CLSTN2: variants seen among roughly 807,000 people sequenced by gnomAD.
The protein encoded by CLSTN2 is calsyntenin-2.
CLSTN2 carries 48 observed loss-of-function variants against 101.2 expected under a neutral mutation model. The ratio of observed to expected loss-of-function variants is 0.47; its 90% CI spans 0.38 to 0.60. The LOEUF (loss-of-function observed/expected upper bound fraction) is 0.60. CLSTN2 is among the 20% of genes least tolerant of loss of function. CLSTN2 has a pLI of 0.00. For missense variants in CLSTN2, 1,160 were observed against 1,238.2 expected, an observed-to-expected ratio of 0.94 and a Z score of 0.95; for synonymous variants, 481 against 463.6, an observed-to-expected ratio of 1.04 and a Z score of -0.48.
intron 1 of CLSTN2, among the ~76,000 whole-genome samples, chr3:140,157,607 C>T (rs1576449202): frequency 6.6e-6 from 1 of 152,172 alleles, no homozygotes; most frequent in East Asian, 1.9e-4. Context: ...TCTGATTGTA[C>T]TTATTTGGAT....
At position 140,573,846 on chromosome 3, in the gene CLSTN2, G is replaced by C. The variant is rs1054467597; in HGVS notation, c.*7593G>C. Reference sequence around the variant, plus strand: ...AAGACACCCCTGTTTCTGGGGAACAGAAGGGAGCTGGTACCTCTGGACCAT... The same window carrying C: ...AAGACACCCCTGTTTCTGGGGAACACAAGGGAGCTGGTACCTCTGGACCAT... On this transcript the variant is annotated 3_prime_UTR_variant, in exon 17 of 17. Coordinates refer to ENST00000458420, the MANE Select transcript of CLSTN2 (RefSeq NM_022131.3). 36 of 152,256 alleles carry C rather than the reference G, an allele frequency of 2.4e-4. No individual in the cohort carries two copies. Among genetic ancestry groups the C allele is most frequent in the African/African-American group, 8.4e-4 (35 of 41,446 alleles). The allele number at this position is 152,256 out of a possible 1,614,324, so 9.4% of individuals were successfully genotyped here. A position where few individuals can be genotyped will look rare whatever the true frequency, so the allele number is the denominator to read the frequency against.
rs111430993 is a variant in CLSTN2 at position 140,521,775 on chromosome 3, G to A, written c.1345-10549G>A. 4.8e-3 allele frequency among the ~76,000 whole-genome samples: 737 copies of A among 152,312 alleles called. 3 individuals carry two copies. Among genetic ancestry groups the A allele is most frequent in the Non-Finnish European group, 7.7e-3 (523 of 68,018 alleles). On this transcript the variant is annotated intron_variant, in intron 8 of 16. Coordinates refer to ENST00000458420, the MANE Select transcript of CLSTN2 (RefSeq NM_022131.3). ...CGGTCACATCTCTCCCCAGGAACTT[G>A]GTCCTTCTCATGCAGATTCCAGCCT...
At chr3:140,113,041 C>T (rs969145780) in intron 1 of CLSTN2, among the ~76,000 whole-genome samples, 3 of 152,068 alleles carry the variant, frequency 2.0e-5, no homozygotes, top group Non-Finnish European at 2.9e-5. Context: ...GGAGCCAGTG[C>T]CTTCCAGCTT....
chr3:140,002,063 A>C (rs1004109059), intron 1 of CLSTN2, among the ~76,000 whole-genome samples: 2 of 152,186 alleles, frequency 1.3e-5, no homozygotes, highest in African/African-American at 4.8e-5. Flanking sequence ...TGGCTATTGC[A>C]AACAGTGCTG....
chr3:140,469,808 GA>G (rs1214171502), intron 8 of CLSTN2, among the ~76,000 whole-genome samples: 1 of 152,206 alleles, frequency 6.6e-6, no homozygotes, highest in Non-Finnish European at 1.5e-5. Context: ...GAGATGAAGT[GA>G]GGCAGGGGAA....
At chr3:140,331,148 G>T (rs1471790336) in intron 2 of CLSTN2, among the ~76,000 whole-genome samples, 1 of 152,146 alleles carries the variant, frequency 6.6e-6, no homozygotes, top group Non-Finnish European at 1.5e-5. Context: ...CCAGGAGGTT[G>T]CTGATGCAAG....
At chr3:140,375,168 G>A (rs1044126246) in intron 2 of CLSTN2, among the ~76,000 whole-genome samples, 1 of 152,228 alleles carries the variant, frequency 6.6e-6, no homozygotes, top group African/African-American at 2.4e-5. Context: ...GGGAAAGGTA[G>A]TTGAGAGGAC....
At chr3:140,345,469 C>T (rs34649403) in intron 2 of CLSTN2, among the ~76,000 whole-genome samples, 5,739 of 151,830 alleles carry the variant, frequency 0.038, 124 homozygotes, top group South Asian at 0.069. Flanking sequence ...AGGCTGGTCT[C>T]GAACTCCTGA....
At chr3:140,325,084 G>T (rs1276553578) in intron 2 of CLSTN2, among the ~76,000 whole-genome samples, 1 of 152,154 alleles carries the variant, frequency 6.6e-6, no homozygotes, top group Non-Finnish European at 1.5e-5. Context: ...TTTTGGTAGA[G>T]ACAAGGTCTC....
intron 2 of CLSTN2, among the ~76,000 whole-genome samples, chr3:140,210,861 TA>T (rs2010846851): frequency 6.6e-6 from 1 of 152,098 alleles, no homozygotes. Flanking sequence ...AACAAGCACC[TA>T]AATAGCTATG....
chr3:140,434,100 A>T (rs1273043772), intron 5 of CLSTN2, among the ~76,000 whole-genome samples: 1 of 152,124 alleles, frequency 6.6e-6, no homozygotes, highest in East Asian at 1.9e-4. Context: ...TTGGATTCTC[A>T]TAATGTGTGT....
chr3:140,009,544 C>T (rs1165933971), intron 1 of CLSTN2, among the ~76,000 whole-genome samples: 1 of 152,150 alleles, frequency 6.6e-6, no homozygotes, highest in Non-Finnish European at 1.5e-5. Flanking sequence ...ATCATCCTAT[C>T]CATATTCTCT....
intron 2 of CLSTN2, among the ~76,000 whole-genome samples, chr3:140,181,366 A>G (rs528380665): frequency 6.6e-6 from 1 of 150,604 alleles, no homozygotes; most frequent in Admixed American, 6.6e-5. Flanking sequence ...TTGTATTATT[A>G]TCAGTAAGCC....
In CLSTN2 at chr3:140,572,773, TGAG is replaced by T. The variant is rs1021939056; in HGVS notation, c.*6524_*6526del. On this transcript the variant is annotated 3_prime_UTR_variant, in exon 17 of 17. Coordinates refer to ENST00000458420, the MANE Select transcript of CLSTN2 (RefSeq NM_022131.3). ...GTTTGAGAACCACTGATGCAGAGGATGAGGAGATGACTTGAGCTGGCATCGGGA... is the reference window on the plus strand; with the variant it reads ...GTTTGAGAACCACTGATGCAGAGGATGAGATGACTTGAGCTGGCATCGGGA... 1.3e-5 allele frequency: 2 copies of T among 152,276 alleles called. No homozygotes were observed. The highest frequency in any genetic ancestry group is 4.8e-5 in the African/African-American group (2 of 41,452). The allele number at this position is 152,276 out of a possible 1,614,324, so 9.4% of individuals were successfully genotyped here.
At chr3:140,156,941 A>G (rs1408002979) in intron 1 of CLSTN2, among the ~76,000 whole-genome samples, 1 of 152,208 alleles carries the variant, frequency 6.6e-6, no homozygotes, top group Admixed American at 6.5e-5. Context: ...CTGGACAAAC[A>G]CAACCCGCTG....
intron 1 of CLSTN2, among the ~76,000 whole-genome samples, chr3:140,059,511 G>C (rs78150642): frequency 0.021 from 3,131 of 152,254 alleles, 106 homozygotes; most frequent in African/African-American, 0.071. Flanking sequence ...AGAGGGTTCT[G>C]GGGGGCCATC....
chr3:139,979,207 G>A (rs947687948), intron 1 of CLSTN2, among the ~76,000 whole-genome samples: 4 of 152,068 alleles, frequency 2.6e-5, no homozygotes, highest in Non-Finnish European at 5.9e-5. Flanking sequence ...GTGGGCCTCC[G>A]TGCCTTTCCA....
intron 2 of CLSTN2, among the ~76,000 whole-genome samples, chr3:140,340,745 C>T (rs1185600145): frequency 6.6e-6 from 1 of 152,132 alleles, no homozygotes; most frequent in African/African-American, 2.4e-5. Context: ...ACCTAATGTC[C>T]TTTTTCTGAT....
At chr3:140,351,834 A>T (rs1267652191) in intron 2 of CLSTN2, among the ~76,000 whole-genome samples, 1 of 151,930 alleles carries the variant, frequency 6.6e-6, no homozygotes, top group Non-Finnish European at 1.5e-5. Flanking sequence ...ATGAAACAGC[A>T]AGTGCAAAGG....
Sources: gnomAD v4.1 joint callset for allele counts (sites outside exome capture counted in the v4.1 genomes callset) on GRCh38, gnomAD v4.1.1 for gene constraint, MANE v1.5 for transcripts, NCBI Gene and HGNC (gene_info 2026-07-23, HGNC 2026-07-21) for gene names.